Variants in NCAM1 observed in about 807,000 individuals in gnomAD.
The protein encoded by NCAM1 is neural cell adhesion molecule 1.
NCAM1 carries 14 observed loss-of-function variants against 109.8 expected under a neutral mutation model. That is an observed-to-expected ratio of 0.13 (90% CI 0.08 to 0.20). NCAM1 has a LOEUF of 0.20. Ranked by LOEUF, NCAM1 falls within the 10% of genes least tolerant of loss-of-function variation. NCAM1 has a pLI of 1.00. For synonymous variants in NCAM1, 418 were observed against 442.9 expected (o/e 0.94, Z 0.70); for missense variants, 774 against 1,109.9 (o/e 0.70, Z 4.30).
chr11:113,075,172 T>G (rs553826861), intron 1 of NCAM1, among the ~76,000 whole-genome samples: 1 of 152,174 alleles, frequency 6.6e-6, no homozygotes, highest in South Asian at 2.1e-4. Context: ...GCTCAAGCAA[T>G]CCTCCTGCCT....
chr11:113,122,003 GA>G (rs1940983730), intron 1 of NCAM1, among the ~76,000 whole-genome samples: 1 of 152,196 alleles, frequency 6.6e-6, no homozygotes, highest in South Asian at 2.1e-4. Flanking sequence ...GCTCGGTGTG[GA>G]TGGAATCAGT....
At chr11:113,106,605 T>C (rs1478914915) in intron 1 of NCAM1, among the ~76,000 whole-genome samples, 1 of 152,228 alleles carries the variant, frequency 6.6e-6, no homozygotes, top group Non-Finnish European at 1.5e-5. Flanking sequence ...TCAGGTGGCC[T>C]ATAAGATTTC....
At chr11:113,178,149 G>A (rs1278024577) in intron 1 of NCAM1, among the ~76,000 whole-genome samples, 1 of 152,072 alleles carries the variant, frequency 6.6e-6, no homozygotes, top group Non-Finnish European at 1.5e-5. Context: ...TTTCTTCTTT[G>A]CCCCATTCTC....
At chr11:112,976,937 C>T (rs1243542636) in intron 1 of NCAM1, among the ~76,000 whole-genome samples, 1 of 151,478 alleles carries the variant, frequency 6.6e-6, no homozygotes, top group African/African-American at 2.4e-5. Flanking sequence ...TTTGAGTTTT[C>T]AATGATTTTT....
intron 14 of NCAM1, chr11:113,240,539 C>T (rs528271445): frequency 4.7e-4 from 244 of 521,078 alleles, no homozygotes; most frequent in Non-Finnish European, 7.6e-4. Context: ...TGCAGCTGTT[C>T]CTGGCCCAGA....
chr11:113,106,626 A>ACACAAACG (rs1555092636), intron 1 of NCAM1, among the ~76,000 whole-genome samples: 1 of 152,248 alleles, frequency 6.6e-6, no homozygotes, highest in Non-Finnish European at 1.5e-5. Context: ...TTCAGCCAAA[A>ACACAAACG]CACAAACGGA....
rs367913983 is a variant in NCAM1, at chr11:113,235,143, G to A, written c.1804G>A (p.Glu602Lys). Reference protein sequence around the residue: ...KGLGEISAASEFKTQPVQGEP... With the variant: ...KGLGEISAASKFKTQPVQGEP... ...GCTGGGTGAGATCAGCGCGGCCTCC[G>A]AGTTCAAGACGCAGCCAGTCCGTAA... is the stretch of plus-strand genomic sequence containing the variant. The change falls in exon 14 of 20, where the codon GAG becomes AAG. Residue 602 changes from glutamate (E) to lysine (K), a missense_variant. This residue lies in a region of NCAM1 where 523 missense variants were observed against 784.2 expected (regional missense o/e 0.67). Transcript: ENST00000316851. 79 of 1,613,764 alleles carry A rather than the reference G, an allele frequency of 4.9e-5. 1 individual carries two copies. The highest frequency in any genetic ancestry group is 5.0e-5 in the Non-Finnish European group (59 of 1,179,788).
intron 1 of NCAM1, among the ~76,000 whole-genome samples, chr11:113,020,415 C>G (rs1952348032): frequency 6.6e-6 from 1 of 152,124 alleles, no homozygotes; most frequent in African/African-American, 2.4e-5. Flanking sequence ...TCTTAAGGCA[C>G]CATTCGCTTC....
At chr11:113,170,839 C>T (rs529479830) in intron 1 of NCAM1, among the ~76,000 whole-genome samples, 10 of 152,250 alleles carry the variant, frequency 6.6e-5, no homozygotes, top group African/African-American at 2.2e-4. Flanking sequence ...AGGTTGTCTT[C>T]CAATACCGCT....
At chr11:113,078,255 A>C (rs1938619959) in intron 1 of NCAM1, among the ~76,000 whole-genome samples, 1 of 152,140 alleles carries the variant, frequency 6.6e-6, no homozygotes, top group African/African-American at 2.4e-5. Flanking sequence ...CTCTGTCTTC[A>C]CATGGCCTCT....
chr11:113,116,092 A>G (rs1184173305), intron 1 of NCAM1, among the ~76,000 whole-genome samples: 1 of 152,222 alleles, frequency 6.6e-6, no homozygotes, highest in South Asian at 2.1e-4. Context: ...GCAAAAATTC[A>G]TGGGAATAAT....
At chr11:113,261,670 A>G (rs1293295955) in intron 17 of NCAM1, among the ~76,000 whole-genome samples, 1 of 152,082 alleles carries the variant, frequency 6.6e-6, no homozygotes, top group Admixed American at 6.5e-5. Flanking sequence ...TCTTTGGTCC[A>G]TTCCTTTACA....
chr11:113,106,422 C>T lies in NCAM1; in HGVS notation c.53-95957C>T, dbSNP rs1034293678. On this transcript the variant is annotated intron_variant, in intron 1 of 19. Coordinates refer to ENST00000316851, the MANE Select transcript of NCAM1 (RefSeq NM_181351.5). ...GTTGATGACATAAAATGGGCAGTTT[C>T]GTGAGACATCCTACATAGGGTGGCT... Among the ~76,000 whole-genome samples the T allele has an allele frequency of 3.3e-5, 5 of 152,246 alleles. No homozygotes were observed. In the South Asian group the frequency reaches 6.2e-4, roughly 19 times the overall value.
chr11:113,216,077 G>A (rs1246055485), intron 8 of NCAM1, among the ~76,000 whole-genome samples: 1 of 151,832 alleles, frequency 6.6e-6, no homozygotes, highest in South Asian at 2.1e-4. Context: ...AGACCAGAAA[G>A]GTTATTAAGA....
intron 1 of NCAM1, among the ~76,000 whole-genome samples, chr11:113,095,165 C>T (rs372603194): frequency 7.9e-5 from 12 of 152,158 alleles, no homozygotes; most frequent in African/African-American, 2.4e-4. Flanking sequence ...GATTGAAGAG[C>T]GGCAGTATAG....
chr11:113,247,851 A>G (rs1945547986), intron 15 of NCAM1, among the ~76,000 whole-genome samples: 1 of 152,214 alleles, frequency 6.6e-6, no homozygotes, highest in Admixed American at 6.5e-5. Context: ...CGGTATTTTC[A>G]TGATTTCCCA....
At chr11:113,138,417 TG>T (rs782755210) in intron 1 of NCAM1, among the ~76,000 whole-genome samples, 1 of 152,244 alleles carries the variant, frequency 6.6e-6, no homozygotes, top group Non-Finnish European at 1.5e-5. Context: ...GGAGCCACAG[TG>T]TTGCCTGTGT....
chr11:113,263,189 A>AT (rs1946056783), intron 17 of NCAM1: 1 of 1,134,308 alleles, frequency 8.8e-7, no homozygotes, highest in African/African-American at 1.6e-5. Flanking sequence ...TTTAAATGCT[A>AT]TTTTTAAAAA....
intron 1 of NCAM1, among the ~76,000 whole-genome samples, chr11:113,027,328 A>G (rs1272549109): frequency 1.3e-5 from 2 of 152,262 alleles, no homozygotes; most frequent in East Asian, 3.8e-4. Context: ...GTAACAGAAC[A>G]TAACCAATGT....
Sources: allele counts gnomAD v4.1 joint callset (sites outside exome capture counted in the v4.1 genomes callset), GRCh38; gene constraint gnomAD v4.1.1; regional missense constraint gnomAD v4.1.1; transcripts MANE v1.5; gene names NCBI Gene and HGNC (gene_info 2026-07-23, HGNC 2026-07-21).